The following SPAG16 variants were observed in gnomAD, a reference collection of about 807,000 sequenced individuals.
SPAG16 encodes sperm-associated antigen 16 protein.
SPAG16 carries 86 observed loss-of-function variants against 80.4 expected under a neutral mutation model. That is an observed-to-expected ratio of 1.07 (90% CI 0.90 to 1.28). The LOEUF is 1.28. SPAG16 is among the 50% of genes most tolerant of loss of function. The pLI, the probability that SPAG16 is intolerant of heterozygous loss-of-function variation, is 0.00. For synonymous variants in SPAG16, 294 were observed against 265.9 expected (o/e 1.11, Z -1.03); for missense variants, 870 against 765.3 (o/e 1.14, Z -1.61).
At chr2:214,129,364 CT>C (rs2054650157) in intron 14 of SPAG16, among the ~76,000 whole-genome samples, 1 of 152,136 alleles carries the variant, frequency 6.6e-6, no homozygotes. Flanking sequence ...TCGTTTTCAT[CT>C]CTTGATGATT....
chr2:214,054,902 T>C (rs562122742), intron 13 of SPAG16, among the ~76,000 whole-genome samples: 17 of 152,310 alleles, frequency 1.1e-4, no homozygotes, highest in South Asian at 2.1e-4. Context: ...GAAAATAATT[T>C]GTCCCAATCT....
chr2:214,381,568 A>G (rs2126108795), intron 15 of SPAG16, among the ~76,000 whole-genome samples: 1 of 152,352 alleles, frequency 6.6e-6, no homozygotes, highest in East Asian at 1.9e-4. Context: ...TAGAAATCAG[A>G]ATTATCTGCA....
intron 15 of SPAG16, among the ~76,000 whole-genome samples, chr2:214,286,572 C>T (rs1693385589): frequency 6.6e-6 from 1 of 152,076 alleles, no homozygotes; most frequent in African/African-American, 2.4e-5. Context: ...CCTGCCAAAA[C>T]CCTGTCTCTA....
chr2:213,290,454 A>G (rs2126053710), intron 1 of SPAG16, among the ~76,000 whole-genome samples: 1 of 152,322 alleles, frequency 6.6e-6, no homozygotes, highest in East Asian at 1.9e-4. Flanking sequence ...TTAAGTGTCA[A>G]GTCAAGGCCA....
intron 1 of SPAG16, among the ~76,000 whole-genome samples, chr2:213,289,531 A>G (rs1161232355): frequency 6.6e-6 from 1 of 152,222 alleles, no homozygotes; most frequent in Non-Finnish European, 1.5e-5. Flanking sequence ...AGCAATTGGC[A>G]AAAGGGAATG....
intron 10 of SPAG16, among the ~76,000 whole-genome samples, chr2:213,647,248 G>T (rs1162177912): frequency 6.6e-6 from 1 of 152,058 alleles, no homozygotes; most frequent in Non-Finnish European, 1.5e-5. Context: ...AAAACAGACA[G>T]CCATGCATGA....
At chr2:214,295,668 G>T (rs1694079887) in intron 15 of SPAG16, among the ~76,000 whole-genome samples, 1 of 152,096 alleles carries the variant, frequency 6.6e-6, no homozygotes, top group African/African-American at 2.4e-5. Flanking sequence ...GCACATGTCT[G>T]TAATCCCAGC....
rs988800646 is a variant in SPAG16, at chr2:214,149,362, C to T, written c.1720+96C>T. On this transcript the variant is annotated intron_variant, in intron 15 of 15. Transcript: ENST00000331683. ...TTCTCCTTAAATGTATGTATTTCTA[C>T]GTAAATGTCTGTTCTTAATATTACA... 240 of 1,180,180 alleles carry T rather than the reference C, an allele frequency of 2.0e-4. 2 individuals carry two copies. Among genetic ancestry groups the T allele is most frequent in the South Asian group, 6.9e-4 (34 of 49,400 alleles). 73.1% of individuals were successfully genotyped at this position (1,180,180 alleles called of 1,614,324 possible). A position where few individuals can be genotyped will look rare whatever the true frequency, so the allele number is the denominator to read the frequency against.
intron 9 of SPAG16, among the ~76,000 whole-genome samples, chr2:213,376,877 AAGG>A (rs2066906214): frequency 6.6e-6 from 1 of 152,174 alleles, no homozygotes; most frequent in Admixed American, 6.5e-5. Context: ...GTAGAGGAGG[AAGG>A]AGAATACCTG....
intron 15 of SPAG16, among the ~76,000 whole-genome samples, chr2:214,318,373 CTTTTTT>C (rs34923875): frequency 3.4e-4 from 24 of 69,832 alleles, no homozygotes; most frequent in Middle Eastern, 9.8e-3. Flanking sequence ...AGAGTGAATT[CTTTTTT>C]TTTTTTTTTT....
intron 10 of SPAG16, among the ~76,000 whole-genome samples, chr2:213,597,664 T>G (rs1406390725): frequency 6.6e-6 from 1 of 152,182 alleles, no homozygotes; most frequent in Non-Finnish European, 1.5e-5. Context: ...TGCGCCTTGT[T>G]TCTCCAAAAT....
At chr2:213,516,575 T>C (rs1559211618) in intron 10 of SPAG16, among the ~76,000 whole-genome samples, 3 of 152,170 alleles carry the variant, frequency 2.0e-5, no homozygotes, top group South Asian at 2.1e-4. Context: ...TATTTAGCTA[T>C]TGATATGTGC....
intron 10 of SPAG16, among the ~76,000 whole-genome samples, chr2:213,617,690 G>GT (rs2061646076): frequency 1.3e-5 from 2 of 152,122 alleles, no homozygotes; most frequent in Admixed American, 6.5e-5. Context: ...GCATGTGCCT[G>GT]TAGTCCTAGC....
chr2:214,139,178 A>AT (rs1338404419), intron 14 of SPAG16, among the ~76,000 whole-genome samples: 2 of 152,006 alleles, frequency 1.3e-5, no homozygotes, highest in Non-Finnish European at 1.5e-5. Flanking sequence ...ATTTAAGACA[A>AT]TTTTTTCAAA....
chr2:213,600,441 T>G (rs1300345579), intron 10 of SPAG16, among the ~76,000 whole-genome samples: 1 of 152,214 alleles, frequency 6.6e-6, no homozygotes, highest in Non-Finnish European at 1.5e-5. Flanking sequence ...ATATGAAGGT[T>G]TTGGATTCCA....
intron 15 of SPAG16, among the ~76,000 whole-genome samples, chr2:214,356,406 A>G (rs1698805342): frequency 1.7e-5 from 2 of 118,132 alleles, no homozygotes; most frequent in South Asian, 7.0e-4. Context: ...AGAAATATCT[A>G]GGCTGCCCAT....
At chr2:214,240,677 C>G (rs1347617097) in intron 15 of SPAG16, 1 of 151,964 alleles carries the variant, frequency 6.6e-6, no homozygotes, top group Non-Finnish European at 1.5e-5. Context: ...CTTCTAGATG[C>G]TATGTAGAAA....
intron 15 of SPAG16, among the ~76,000 whole-genome samples, chr2:214,329,577 A>G (rs1445039105): frequency 6.6e-6 from 1 of 152,244 alleles, no homozygotes; most frequent in African/African-American, 2.4e-5. Context: ...GGGGAAAGAA[A>G]TACAAATGTT....
intron 15 of SPAG16, among the ~76,000 whole-genome samples, chr2:214,329,058 A>ATCT (rs932453313): frequency 1.3e-5 from 2 of 152,204 alleles, no homozygotes; most frequent in African/African-American, 4.8e-5. Context: ...GTAGCATCAT[A>ATCT]TCTTTGTGAC....
Sources: allele counts gnomAD v4.1 joint callset (sites outside exome capture counted in the v4.1 genomes callset), GRCh38; gene constraint gnomAD v4.1.1; transcripts MANE v1.5; gene names NCBI Gene and HGNC (gene_info 2026-07-23, HGNC 2026-07-21).